Variants in TTF2 observed in about 807,000 individuals in gnomAD.
The protein encoded by TTF2 is RNA polymerase II termination factor.
A neutral mutation model predicts 142.4 loss-of-function variants in TTF2; 108 were observed. The ratio of observed to expected loss-of-function variants is 0.76; its 90% CI spans 0.65 to 0.89. The LOEUF (loss-of-function observed/expected upper bound fraction) is 0.89. Among genes scored for constraint, TTF2 ranks in the 40% least tolerant of loss-of-function variants. The pLI, the probability that TTF2 is intolerant of heterozygous loss-of-function variation, is 0.00. For missense variants in TTF2, 1,327 were observed against 1,379.8 expected (o/e 0.96, Z 0.61); for synonymous variants, 483 against 506.2 (o/e 0.95, Z 0.61).
chr1:117,065,439 A>C (rs1266993496), intron 3 of TTF2, among the ~76,000 whole-genome samples: 1 of 152,196 alleles, frequency 6.6e-6, no homozygotes, highest in Non-Finnish European at 1.5e-5. Context: ...TCTACTAAAA[A>C]TACTAAAAAT....
chr1:117,092,919 TGTA>T lies in TTF2; in HGVS notation c.2976+24_2976+26del. 1 of 1,613,838 alleles carries T rather than the reference TGTA, an allele frequency of 6.2e-7. No individual in the cohort carries two copies. Among genetic ancestry groups the T allele is most frequent in the Non-Finnish European group, 8.5e-7 (1 of 1,179,860 alleles). ...GCACCAAGGTACTTTTTGTCTCCTC[TGTA>T]GTAGTCGAGAGACTTCGATTCCTCA... On this transcript the variant is annotated intron_variant, in intron 18 of 22. Coordinates refer to ENST00000369466, the MANE Select transcript of TTF2 (RefSeq NM_003594.4). This position sits in a 1 kb window ranked among gnomAD's most constrained non-coding sequence, Gnocchi z 4.4.
In TTF2 at chr1:117,101,663, A is replaced by C; in HGVS notation, c.*139A>C. The C allele has an allele frequency of 1.1e-6, 1 of 946,346 alleles. No individual in the cohort carries two copies. The highest frequency in any genetic ancestry group is 1.7e-5 in the African/African-American group (1 of 59,660). 58.6% of individuals were successfully genotyped at this position (946,346 alleles called of 1,614,324 possible). The stretch of plus-strand genomic sequence containing the variant: ...CAAGCCTTTCACCTTCCTCAAAATG[A>C]GGCATAATCTTATCCCCAGAATTGA... On this transcript the variant is annotated 3_prime_UTR_variant, in exon 23 of 23. Coordinates refer to ENST00000369466, the MANE Select transcript of TTF2 (RefSeq NM_003594.4). The surrounding 1 kb of genome is among the most constrained non-coding windows in gnomAD (Gnocchi z 5.9).
chr1:117,087,111 T>A lies in TTF2; in HGVS notation c.2160+589T>A, dbSNP rs1404040990. Among the ~76,000 whole-genome samples, 1 of 152,208 alleles carries A rather than the reference T, an allele frequency of 6.6e-6. No homozygotes were observed. Among genetic ancestry groups the A allele is most frequent in the African/African-American group, 2.4e-5 (1 of 41,454 alleles). On this transcript the variant is annotated intron_variant, in intron 12 of 22. Coordinates refer to ENST00000369466, the MANE Select transcript of TTF2 (RefSeq NM_003594.4). The surrounding 1 kb of genome is among the most constrained non-coding windows in gnomAD (Gnocchi z 4.8). ...GTATTATCCCAAGAACTCATTTTTC[T>A]ATATGTTATCCTTTTAGCCCAACGG...
Position 117,107,183 on chromosome 1 carries a change from T to G in TTF2, c.*5659T>G, listed in dbSNP as rs1280735247. 3.3e-5 allele frequency: 5 copies of G among 152,202 alleles called. No homozygotes were observed. The highest frequency in any genetic ancestry group is 7.3e-5 in the Non-Finnish European group (5 of 68,040). 9.4% of individuals were successfully genotyped at this position (152,202 alleles called of 1,614,324 possible). ...TCTGTTGATCACTGACTCTGCCAGG[T>G]CTTTCAGCAGGCAAGACAGCTCAGT... On this transcript the variant is annotated 3_prime_UTR_variant, in exon 23 of 23. Coordinates refer to ENST00000369466, the MANE Select transcript of TTF2 (RefSeq NM_003594.4).
Position 117,075,604 on chromosome 1 carries a change from C to T in TTF2, c.1020C>T (p.Ser340=). 1 of 1,614,150 alleles carries T rather than the reference C, an allele frequency of 6.2e-7. No individual in the cohort carries two copies. The highest frequency in any genetic ancestry group is 8.5e-7 in the Non-Finnish European group (1 of 1,180,022). ...CTGCACCAGCAGCACCAGGGCTTTC[C>T]CTGGGTGAGGGCCGTGAAGCTGCCA... is the stretch of plus-strand genomic sequence containing the variant. The part of the protein sequence containing the change: ...AQAAPAAPGL[S]LGEGREAATS... Residue 340 remains serine (S), a synonymous_variant, in exon 5 of 23, where the codon TCC becomes TCT. Transcript: ENST00000369466. This position sits in a 1 kb window ranked among gnomAD's most constrained non-coding sequence, Gnocchi z 4.5.
chr1:117,099,372 C>T lies in TTF2; in HGVS notation c.3344+465C>T, dbSNP rs189240734. Among the ~76,000 whole-genome samples, 131 of 152,198 alleles carry T rather than the reference C, an allele frequency of 8.6e-4. No individual in the cohort carries two copies. Among genetic ancestry groups the T allele is most frequent in the African/African-American group, 2.2e-3 (90 of 41,538 alleles). Reference sequence around the variant, plus strand: ...TCTTAAAATTAAGGGAATTCTCTTACGTAACCCCAATAAAATCATCAAAAT... The same window carrying T: ...TCTTAAAATTAAGGGAATTCTCTTATGTAACCCCAATAAAATCATCAAAAT... On this transcript the variant is annotated intron_variant, in intron 22 of 22. Coordinates refer to ENST00000369466, the MANE Select transcript of TTF2 (RefSeq NM_003594.4). This position sits in a 1 kb window ranked among gnomAD's most constrained non-coding sequence, Gnocchi z 4.3.
chr1:117,085,529 G>A lies in TTF2; in HGVS notation c.2055-888G>A, dbSNP rs148853734. Among the ~76,000 whole-genome samples, 1,820 of 152,260 alleles carry A rather than the reference G, an allele frequency of 0.012. 18 individuals carry two copies. Among genetic ancestry groups the A allele is most frequent in the Middle Eastern group, 0.024 (7 of 292 alleles). On this transcript the variant is annotated intron_variant, in intron 11 of 22. Coordinates refer to ENST00000369466, the MANE Select transcript of TTF2 (RefSeq NM_003594.4). The surrounding 1 kb of genome is among the most constrained non-coding windows in gnomAD (Gnocchi z 4.7). ...GATCACACCCCTACACTCCAGTCTG[G>A]ATGACCAGGGTAGGTTACTCACCTA...
Position 117,079,356 on chromosome 1 carries a change from G to A in TTF2, c.1702-212G>A, listed in dbSNP as rs576566666. On this transcript the variant is annotated intron_variant, in intron 8 of 22. Transcript: ENST00000369466. The surrounding 1 kb of genome is among the most constrained non-coding windows in gnomAD (Gnocchi z 4.2). The stretch of plus-strand genomic sequence containing the variant: ...CTCTTAATAGAAATGCTGAACATTA[G>A]ATGCAACCCAAAACAAACAGGGGCA... 6.6e-6 allele frequency among the ~76,000 whole-genome samples: 1 copy of A among 152,196 alleles called. No homozygotes were observed. Among genetic ancestry groups the A allele is most frequent in the African/African-American group, 2.4e-5 (1 of 41,446 alleles).
rs564966252 is a variant in TTF2 at position 117,088,524 on chromosome 1, G to A, written c.2161-277G>A. On this transcript the variant is annotated intron_variant, in intron 12 of 22. Transcript: ENST00000369466. The stretch of plus-strand genomic sequence containing the variant: ...TGCACTCCAGCCTGGGCGACGGAGC[G>A]AGACTCCCATCTCAAAAAAAAAAAG... 1.4e-4 allele frequency among the ~76,000 whole-genome samples: 22 copies of A among 151,778 alleles called. No individual in the cohort carries two copies. In the South Asian group the frequency reaches 4.4e-3, roughly 30 times the overall value.
Position 117,096,284 on chromosome 1 carries a change from C to T in TTF2, c.3171C>T (p.His1057=), listed in dbSNP as rs1264144017. Residue 1057 remains histidine, a synonymous_variant, in exon 20 of 23, where the codon CAC becomes CAT. Transcript: ENST00000369466. ...QRMDLVEAFN[H]SRGPQVMLIS... ...TGGACTTGGTAGAGGCATTTAACCA[C>T]TCCAGAGGCCCTCAGGTACAAGCTG... is the stretch of plus-strand genomic sequence containing the variant. 1 of 1,614,010 alleles carries T rather than the reference C, an allele frequency of 6.2e-7. No individual in the cohort carries two copies. The highest frequency in any genetic ancestry group is 8.5e-7 in the Non-Finnish European group (1 of 1,180,026).
Position 117,073,521 on chromosome 1 carries a change from A to G in TTF2, c.219-140A>G, listed in dbSNP as rs959832555. 3 of 639,004 alleles carry G rather than the reference A, an allele frequency of 4.7e-6. No homozygotes were observed. The highest frequency in any genetic ancestry group is 7.8e-6 in the Non-Finnish European group (3 of 383,366). 39.6% of individuals were successfully genotyped at this position (639,004 alleles called of 1,614,324 possible). On this transcript the variant is annotated intron_variant, in intron 3 of 22. Coordinates refer to ENST00000369466, the MANE Select transcript of TTF2 (RefSeq NM_003594.4). This position sits in a 1 kb window ranked among gnomAD's most constrained non-coding sequence, Gnocchi z 4.4. ...CAGTAAATAATTTTTAAATGTGTAT[A>G]TAAAAGTAATTGGTTTCAAGTGACC...
intron 9 of TTF2, 102 bp from the exon 10 acceptor site, chr1:117,081,724 CAG>C (rs1647526643): frequency 7.0e-7 from 1 of 1,425,470 alleles, no homozygotes; most frequent in East Asian, 2.4e-5. Context: ...GTGGCACTGA[CAG>C]AGAACAATGG....
At chr1:117,083,241 C>CAAAAAA (rs937586299) in intron 10 of TTF2, among the ~76,000 whole-genome samples, 3 of 53,300 alleles carry the variant, frequency 5.6e-5, no homozygotes, top group East Asian at 5.7e-4. Flanking sequence ...GACTCCGTCT[C>CAAAAAA]AAAAAAAAAA....
intron 10 of TTF2, 58 bp downstream of exon 10, chr1:117,082,005 G>A (rs759079491): frequency 6.2e-6 from 10 of 1,611,880 alleles, no homozygotes; most frequent in South Asian, 2.2e-5. Flanking sequence ...CCACCCAAGA[G>A]GGGAACGTCT....
At position 117,090,080 on chromosome 1, in the gene TTF2, G is replaced by A. The variant is rs1319920287; in HGVS notation, c.2368G>A (p.Glu790Lys). 6.2e-7 allele frequency: 1 copy of A among 1,613,846 alleles called. No individual in the cohort carries two copies. The highest frequency in any genetic ancestry group is 8.5e-7 in the Non-Finnish European group (1 of 1,179,846). ...GTTTCTCCGTTGCTCTCCATTTGAT[G>A]AGTTCAATCTGTGGAGGAGTCAGGT... is the stretch of plus-strand genomic sequence containing the variant. The part of the protein sequence containing the change: ...LKFLRCSPFD[E>K]FNLWRSQVDN... The change falls in exon 14 of 23, where the codon GAG (glutamate) becomes AAG (lysine). Residue 790 changes from glutamate (E) to lysine (K), a missense_variant. By Grantham distance (56) the Glu-to-Lys change is moderately conservative (BLOSUM62 1). Coordinates refer to ENST00000369466, the MANE Select transcript of TTF2 (RefSeq NM_003594.4). This position sits in a 1 kb window ranked among gnomAD's most constrained non-coding sequence, Gnocchi z 4.8.
At chr1:117,066,035 CTG>C (rs1201537358) in intron 3 of TTF2, among the ~76,000 whole-genome samples, 2 of 125,372 alleles carry the variant, frequency 1.6e-5, no homozygotes, top group East Asian at 2.4e-4. Context: ...CACGGTCTCA[CTG>C]TATTACCCAG....
In TTF2 at chr1:117,088,997, G is replaced by T; in HGVS notation, c.2342+15G>T. On this transcript the variant is annotated intron_variant, in intron 13 of 22. Transcript: ENST00000369466. ...TCGCTGCTGAAGTGAGTAACTTCTC[G>T]TGATTGTGTAAATATGAACCCTGTC... The T allele has an allele frequency of 6.3e-7, 1 of 1,590,200 alleles. No individual in the cohort carries two copies. The highest frequency in any genetic ancestry group is 8.6e-7 in the Non-Finnish European group (1 of 1,168,794).
At chr1:117,061,351 T>C (rs1043923863) in intron 2 of TTF2, among the ~76,000 whole-genome samples, 2 of 152,362 alleles carry the variant, frequency 1.3e-5, no homozygotes, top group South Asian at 2.1e-4. Context: ...GGAAAGTTAA[T>C]AGTTTGTCAA....
At chr1:117,060,955 A>G (rs1655630261) in intron 2 of TTF2, among the ~76,000 whole-genome samples, 1 of 152,190 alleles carries the variant, frequency 6.6e-6, no homozygotes, top group African/African-American at 2.4e-5. Context: ...CCTGTTTTGC[A>G]CTAGTTTTAG....
Sources: gnomAD v4.1 joint callset for allele counts (sites outside exome capture counted in the v4.1 genomes callset) on GRCh38, gnomAD v4.1.1 for gene constraint, Gnocchi (gnomAD v3.1) non-coding constraint, MANE v1.5 for transcripts, NCBI Gene and HGNC (gene_info 2026-07-23, HGNC 2026-07-21) for gene names.